The following HHAT variants were observed in gnomAD, a reference collection of about 807,000 sequenced individuals.
HHAT encodes protein-cysteine N-palmitoyltransferase HHAT.
HHAT carries 47 observed loss-of-function variants against 70.8 expected under a neutral mutation model. The observed-to-expected ratio is 0.66, with a 90% confidence interval of 0.53 to 0.85. The LOEUF is 0.85. Among genes scored for constraint, HHAT ranks in the 40% least tolerant of loss-of-function variants. The probability of loss-of-function intolerance (pLI) is 0.00; values close to 1 mark genes in which losing one functional copy is unlikely to be tolerated. For missense variants in HHAT, 609 were observed against 604.8 expected (o/e 1.01, Z -0.07); for synonymous variants, 228 against 247.6 (o/e 0.92, Z 0.74).
At chr1:210,489,830 G>T (rs1189203695) in intron 8 of HHAT, among the ~76,000 whole-genome samples, 1 of 152,126 alleles carries the variant, frequency 6.6e-6, no homozygotes, top group Non-Finnish European at 1.5e-5. Flanking sequence ...ATCTGCAGAT[G>T]CTCACCCTAT....
At chr1:210,418,058 CAAT>C (rs1266441325) in intron 6 of HHAT, 93 bp from the exon 7 acceptor site, 1 of 1,159,848 alleles carries the variant, frequency 8.6e-7, no homozygotes, top group Non-Finnish European at 1.3e-6. Context: ...GCTGGCATAG[CAAT>C]AATATTTGTG....
intron 3 of HHAT, among the ~76,000 whole-genome samples, chr1:210,370,752 C>CT (rs2089497331): frequency 6.6e-6 from 1 of 151,392 alleles, no homozygotes; most frequent in Non-Finnish European, 1.5e-5. Context: ...GTAGCTGGGA[C>CT]TACAGGCATG....
chr1:210,418,295 C>A lies in HHAT; in HGVS notation c.826C>A (p.Leu276Ile), dbSNP rs761293868. The A allele has an allele frequency of 3.7e-6, 6 of 1,604,342 alleles. No individual in the cohort carries two copies. Among genetic ancestry groups the A allele is most frequent in the Non-Finnish European group, 4.3e-6 (5 of 1,174,720 alleles). Residue 276 changes from leucine (L) to isoleucine (I), a missense_variant, in exon 7 of 12, where the codon CTC (leucine) becomes ATC (isoleucine). Transcript: ENST00000261458. ...GCATGCCATCTACAGCAGCATCCCC[C>A]TCCTGGAGACTGTCTCTTGTTGGAC... is the stretch of plus-strand genomic sequence containing the variant. ...YMHAIYSSIP[L>I]LETVSCWTLG...
At chr1:210,667,989 C>G (rs35667921) in intron 11 of HHAT, among the ~76,000 whole-genome samples, 7,111 of 152,252 alleles carry the variant, frequency 0.047, 246 homozygotes, top group Non-Finnish European at 0.072. Flanking sequence ...CTCCCTTGAG[C>G]CCCTGGCAGC....
At chr1:210,574,217 T>C (rs1657090304) in intron 9 of HHAT, among the ~76,000 whole-genome samples, 1 of 152,178 alleles carries the variant, frequency 6.6e-6, no homozygotes, top group South Asian at 2.1e-4. Context: ...CTGGGGAAAT[T>C]TTCCTGGAAG....
chr1:210,339,425 G>A (rs954654803), intron 1 of HHAT, among the ~76,000 whole-genome samples: 1 of 87,164 alleles, frequency 1.1e-5, no homozygotes, highest in Non-Finnish European at 2.1e-5. Flanking sequence ...AGTATGGTCT[G>A]TTTTCTCCTC....
At chr1:210,608,310 T>C (rs184007635) in intron 10 of HHAT, among the ~76,000 whole-genome samples, 1 of 152,334 alleles carries the variant, frequency 6.6e-6, no homozygotes, top group African/African-American at 2.4e-5. Flanking sequence ...ATTTTAAAAT[T>C]GTATTATTGA....
At chr1:210,550,373 C>T (rs980175673) in intron 9 of HHAT, among the ~76,000 whole-genome samples, 3 of 149,294 alleles carry the variant, frequency 2.0e-5, no homozygotes, top group Non-Finnish European at 2.9e-5. Context: ...GGCTCCTTCT[C>T]TCTGCCTTTT....
At chr1:210,610,130 A>G (rs1314569152) in intron 10 of HHAT, among the ~76,000 whole-genome samples, 3 of 152,210 alleles carry the variant, frequency 2.0e-5, no homozygotes, top group African/African-American at 7.2e-5. Flanking sequence ...ACTCCCACCA[A>G]CAGTGTAAAA....
At chr1:210,468,391 A>G (rs1223691947) in intron 8 of HHAT, among the ~76,000 whole-genome samples, 1 of 152,166 alleles carries the variant, frequency 6.6e-6, no homozygotes, top group Non-Finnish European at 1.5e-5. Context: ...GTCAGTTTCA[A>G]TTATTTCAGG....
At chr1:210,486,600 G>T (rs4253918) in intron 8 of HHAT, among the ~76,000 whole-genome samples, 1 of 152,122 alleles carries the variant, frequency 6.6e-6, no homozygotes, top group African/African-American at 2.4e-5. Context: ...TCAGTGTGGG[G>T]GAAGCACAGT....
chr1:210,365,309 GTTTTTTTTTTTTTTTT>G (rs4027290), intron 3 of HHAT, among the ~76,000 whole-genome samples: 1 of 78,420 alleles, frequency 1.3e-5, no homozygotes, highest in Admixed American at 2.0e-4. Context: ...ACTGCTGACA[GTTTTTTTTTTTTTTTT>G]TTTTTTTTTG....
chr1:210,330,275 C>G (rs993893908), intron 1 of HHAT, among the ~76,000 whole-genome samples: 1 of 152,160 alleles, frequency 6.6e-6, no homozygotes, highest in Non-Finnish European at 1.5e-5. Context: ...ATAAGGACAG[C>G]TCTGACCTGA....
intron 9 of HHAT, among the ~76,000 whole-genome samples, chr1:210,546,544 A>C (rs1390518532): frequency 6.6e-6 from 1 of 152,152 alleles, no homozygotes; most frequent in African/African-American, 2.4e-5. Context: ...CCGGGAGGTA[A>C]GAGGAGACAC....
chr1:210,374,077 CAG>C (rs1328673168), intron 3 of HHAT: 1 of 152,326 alleles, frequency 6.6e-6, no homozygotes, highest in South Asian at 2.1e-4. Context: ...TTTAAACAAA[CAG>C]TGACAATGAA....
At chr1:210,672,195 A>G (rs187758128) in intron 11 of HHAT, among the ~76,000 whole-genome samples, 1 of 152,336 alleles carries the variant, frequency 6.6e-6, no homozygotes, top group Non-Finnish European at 1.5e-5. Context: ...ATTTGAACTC[A>G]TCCCATTTAA....
intron 7 of HHAT, among the ~76,000 whole-genome samples, chr1:210,450,297 G>GGA (rs1057251244): frequency 1.3e-5 from 2 of 151,076 alleles, no homozygotes; most frequent in Non-Finnish European, 3.0e-5. Context: ...TCTCAGGTGG[G>GGA]GGGGGTGGGA....
chr1:210,538,892 C>G (rs2095401078), intron 9 of HHAT, among the ~76,000 whole-genome samples: 1 of 152,182 alleles, frequency 6.6e-6, no homozygotes, highest in Admixed American at 6.5e-5. Context: ...GCCTGGCCAA[C>G]ATGGTGAAAC....
intron 8 of HHAT, among the ~76,000 whole-genome samples, chr1:210,481,851 T>G (rs1401923288): frequency 6.6e-6 from 1 of 152,140 alleles, no homozygotes. Context: ...TGATGAAGAC[T>G]TGGAGGAGAT....
Sources: gnomAD v4.1 joint callset for allele counts (sites outside exome capture counted in the v4.1 genomes callset) on GRCh38, gnomAD v4.1.1 for gene constraint, MANE v1.5 for transcripts, NCBI Gene and HGNC (gene_info 2026-07-23, HGNC 2026-07-21) for gene names.